The following TRPM3 variants were observed in gnomAD, a reference collection of about 807,000 sequenced individuals.
TRPM3 encodes transient receptor potential cation channel subfamily M member 3, also known as long transient receptor potential channel 3.
In TRPM3, 77 loss-of-function variants were observed where a neutral mutation model predicts 181.2. The ratio of observed to expected loss-of-function variants is 0.42; its 90% CI spans 0.35 to 0.51. The LOEUF is 0.51. Ranked by LOEUF, TRPM3 falls within the 20% of genes least tolerant of loss-of-function variation. TRPM3 has a pLI of 0.01. For missense variants in TRPM3, 1,759 were observed against 2,196.7 expected (o/e 0.80, Z 3.98); for synonymous variants, 745 against 796.4 (o/e 0.94, Z 1.09).
At chr9:70,626,136 A>G (rs1435944242) in intron 12 of TRPM3, among the ~76,000 whole-genome samples, 1 of 152,194 alleles carries the variant, frequency 6.6e-6, no homozygotes, top group South Asian at 2.1e-4. Flanking sequence ...CCATCTATAC[A>G]TGCAAAAATA....
intron 1 of TRPM3, among the ~76,000 whole-genome samples, chr9:71,237,491 C>T (rs2081426520): frequency 6.6e-6 from 1 of 152,130 alleles, no homozygotes; most frequent in South Asian, 2.1e-4. Context: ...AGAAAACCCA[C>T]ATTTTCTACT....
At chr9:71,141,137 C>T (rs1334651348) in intron 1 of TRPM3, among the ~76,000 whole-genome samples, 1 of 152,068 alleles carries the variant, frequency 6.6e-6, no homozygotes, top group African/African-American at 2.4e-5. Flanking sequence ...ATAAAAATTT[C>T]CACAAAGAAA....
At chr9:70,569,986 C>T (rs956062366) in intron 22 of TRPM3, among the ~76,000 whole-genome samples, 1 of 152,090 alleles carries the variant, frequency 6.6e-6, no homozygotes, top group African/African-American at 2.4e-5. Flanking sequence ...AGCAATAGTT[C>T]ATGGGACTTG....
intron 21 of TRPM3, among the ~76,000 whole-genome samples, chr9:70,596,712 C>CAA (rs33932883): frequency 6.3e-4 from 83 of 132,124 alleles, no homozygotes; most frequent in South Asian, 3.4e-3. Context: ...AAAACACTGT[C>CAA]AAAAAAAAAA....
At chr9:70,905,825 C>T (rs576025214) in intron 1 of TRPM3, among the ~76,000 whole-genome samples, 3 of 151,952 alleles carry the variant, frequency 2.0e-5, no homozygotes, top group Non-Finnish European at 2.9e-5. Context: ...TCACTGTTTG[C>T]CTCAACAACC....
chr9:71,234,875 T>G (rs1300536303), intron 1 of TRPM3, among the ~76,000 whole-genome samples: 1 of 152,226 alleles, frequency 6.6e-6, no homozygotes, highest in East Asian at 1.9e-4. Flanking sequence ...AAATAAAACA[T>G]TCACACTGTG....
At chr9:71,135,595 C>T (rs1031478288) in intron 1 of TRPM3, among the ~76,000 whole-genome samples, 12 of 152,146 alleles carry the variant, frequency 7.9e-5, no homozygotes, top group African/African-American at 2.7e-4. Flanking sequence ...TTCAGCACTA[C>T]CTATTTTGAA....
intron 8 of TRPM3, among the ~76,000 whole-genome samples, chr9:70,756,177 A>G (rs116121946): frequency 8.4e-4 from 128 of 152,190 alleles, no homozygotes; most frequent in African/African-American, 3.0e-3. Context: ...AAAACAAAAA[A>G]GCAGGGTTTA....
chr9:70,992,682 G>T (rs964476337), intron 1 of TRPM3, among the ~76,000 whole-genome samples: 4 of 152,136 alleles, frequency 2.6e-5, no homozygotes, highest in African/African-American at 9.7e-5. Context: ...TTTAATTTTA[G>T]CTAATTTAAC....
chr9:70,592,286 A>C (rs2058258065), intron 21 of TRPM3, among the ~76,000 whole-genome samples: 2 of 152,316 alleles, frequency 1.3e-5, no homozygotes. Context: ...GATTTGACCA[A>C]GACAGGCCAA....
At position 70,646,798 on chromosome 9, in the gene TRPM3, A is replaced by G. The variant is rs2058925111; in HGVS notation, c.1346-6138T>C. Among the ~76,000 whole-genome samples, 2 of 151,908 alleles carry G rather than the reference A, an allele frequency of 1.3e-5. 1 individual carries two copies. Among genetic ancestry groups the G allele is most frequent in the South Asian group, 4.2e-4 (2 of 4,800 alleles). ...TGATAGACCACTAGCTAGACTAATA[A>G]AGAAAAAAGAGAGAAGATCCAAATA... On this transcript the variant is annotated intron_variant, in intron 9 of 25. Coordinates refer to ENST00000677713, the MANE Select transcript of TRPM3 (RefSeq NM_001366145.2).
intron 1 of TRPM3, among the ~76,000 whole-genome samples, chr9:71,141,994 A>G (rs1348127308): frequency 1.3e-5 from 2 of 152,194 alleles, no homozygotes; most frequent in African/African-American, 2.4e-5. Context: ...ACACCGGTAT[A>G]TAATGCCCGA....
intron 1 of TRPM3, among the ~76,000 whole-genome samples, chr9:71,284,511 G>A (rs1449872063): frequency 6.6e-6 from 1 of 152,178 alleles, no homozygotes; most frequent in East Asian, 1.9e-4. Context: ...TCGCCTCTCA[G>A]AATCTGAGCC....
chr9:70,664,752 G>A (rs908111184), intron 9 of TRPM3, among the ~76,000 whole-genome samples: 1 of 145,264 alleles, frequency 6.9e-6, no homozygotes, highest in Non-Finnish European at 1.5e-5. Context: ...CCAGGTTTAA[G>A]TGATTCTCAT....
chr9:70,951,008 G>C (rs1590020587), intron 1 of TRPM3, among the ~76,000 whole-genome samples: 1 of 151,936 alleles, frequency 6.6e-6, no homozygotes. Flanking sequence ...TAAACATTTT[G>C]AATATTTTTT....
Position 70,740,121 on chromosome 9 carries a change from A to T in TRPM3, c.1272+21480T>A, listed in dbSNP as rs117013295. On this transcript the variant is annotated intron_variant, in intron 8 of 25. Coordinates refer to ENST00000677713, the MANE Select transcript of TRPM3 (RefSeq NM_001366145.2). ...CAGAACTGGTAAATGAATTAAGCAA[A>T]GTTTCAAGATACAAAATTAATGTAC... 4.0e-3 allele frequency among the ~76,000 whole-genome samples: 609 copies of T among 152,352 alleles called. 14 individuals are homozygous for T. In the East Asian group the frequency reaches 0.053, roughly 13 times the overall value.
rs551795475 is a variant in TRPM3, at chr9:70,846,433, G to A, written c.621C>T (p.Leu207=). 2.5e-5 allele frequency: 41 copies of A among 1,614,142 alleles called. No individual in the cohort carries two copies. In the East Asian group the frequency reaches 8.2e-4, roughly 32 times the overall value. The change falls in exon 4 of 26, where the codon CTC becomes CTT. Residue 207 remains leucine, a synonymous_variant. Coordinates refer to ENST00000677713, the MANE Select transcript of TRPM3 (RefSeq NM_001366145.2). ...CTCCAGTTGTCATTGCTGCTTTGATGAGCCCTTTCCCAAAGACTTGCTTGA... is the reference window on the plus strand; with the variant it reads ...CTCCAGTTGTCATTGCTGCTTTGATAAGCCCTTTCCCAAAGACTTGCTTGA... ...PKLKQVFGKG[L]IKAAMTTGAW... is the part of the protein sequence containing the mutation.
intron 1 of TRPM3, among the ~76,000 whole-genome samples, chr9:71,264,561 C>T (rs2083264198): frequency 6.6e-6 from 1 of 152,160 alleles, no homozygotes. Flanking sequence ...CACCTGTAAG[C>T]ATACAAGCAC....
chr9:71,310,018 T>A (rs189787275), intron 1 of TRPM3, among the ~76,000 whole-genome samples: 3 of 152,198 alleles, frequency 2.0e-5, no homozygotes, highest in Admixed American at 6.5e-5. Flanking sequence ...TTAAGGCAGA[T>A]AGCAAAAATC....
Sources: gnomAD v4.1 joint callset for allele counts (sites outside exome capture counted in the v4.1 genomes callset) on GRCh38, gnomAD v4.1.1 for gene constraint, MANE v1.5 for transcripts, NCBI Gene and HGNC (gene_info 2026-07-23, HGNC 2026-07-21) for gene names.